Variants in CPA6 observed in about 807,000 individuals in gnomAD.
The protein encoded by CPA6 is carboxypeptidase A6.
In CPA6, 58 loss-of-function variants were observed where a neutral mutation model predicts 63.3. That is an observed-to-expected ratio of 0.92 (90% CI 0.74 to 1.14). The LOEUF (loss-of-function observed/expected upper bound fraction) is 1.14. CPA6 is among the 50% of genes most tolerant of loss of function. The pLI, the probability that CPA6 is intolerant of heterozygous loss-of-function variation, is 0.00. For synonymous variants in CPA6, 185 were observed against 179.0 expected, an observed-to-expected ratio of 1.03 and a Z score of -0.27; for missense variants, 565 against 526.6, an observed-to-expected ratio of 1.07 and a Z score of -0.71.
chr8:67,605,841 G>A (rs1814622375), intron 2 of CPA6, among the ~76,000 whole-genome samples: 1 of 152,074 alleles, frequency 6.6e-6, no homozygotes, highest in South Asian at 2.1e-4. Context: ...GCCTTGTTCA[G>A]TTTACAGATC....
intron 2 of CPA6, among the ~76,000 whole-genome samples, chr8:67,532,480 C>G (rs1320808611): frequency 6.6e-6 from 1 of 151,994 alleles, no homozygotes; most frequent in East Asian, 1.9e-4. Context: ...AGTTTGAGAC[C>G]AGCCTGAGAA....
intron 8 of CPA6, among the ~76,000 whole-genome samples, chr8:67,468,790 T>C (rs1295384393): frequency 6.6e-6 from 1 of 152,132 alleles, no homozygotes; most frequent in Admixed American, 6.5e-5. Context: ...CAGCATGTAC[T>C]GTATCTCTGG....
chr8:67,718,931 C>T (rs769570745), intron 1 of CPA6, among the ~76,000 whole-genome samples: 1 of 152,142 alleles, frequency 6.6e-6, no homozygotes, highest in African/African-American at 2.4e-5. Flanking sequence ...AGGCATGAGC[C>T]ACCGCACCTG....
intron 8 of CPA6, among the ~76,000 whole-genome samples, chr8:67,438,173 C>T (rs1810206236): frequency 6.6e-6 from 1 of 152,156 alleles, no homozygotes; most frequent in Non-Finnish European, 1.5e-5. Flanking sequence ...CCGCCTTGGC[C>T]TCCGAAAGTG....
intron 2 of CPA6, among the ~76,000 whole-genome samples, chr8:67,565,811 G>A (rs982867399): frequency 6.6e-6 from 1 of 152,124 alleles, no homozygotes; most frequent in African/African-American, 2.4e-5. Flanking sequence ...TCAGGAAGAT[G>A]AGATCTCTCT....
chr8:67,624,424 C>T (rs1815152803), intron 1 of CPA6, among the ~76,000 whole-genome samples, 173 bp from the exon 2 acceptor site: 2 of 152,148 alleles, frequency 1.3e-5, no homozygotes, highest in South Asian at 4.1e-4. Flanking sequence ...TTGTTCTTTT[C>T]TTCTTGTCTT....
chr8:67,680,484 G>A (rs1287256104), intron 1 of CPA6, among the ~76,000 whole-genome samples: 1 of 133,328 alleles, frequency 7.5e-6, no homozygotes, highest in Non-Finnish European at 1.6e-5. Context: ...GAGACCCTCT[G>A]TATTTAAAAA....
At chr8:67,741,863 G>C (rs1360248904) in intron 1 of CPA6, among the ~76,000 whole-genome samples, 1 of 151,566 alleles carries the variant, frequency 6.6e-6, no homozygotes, top group African/African-American at 2.4e-5. Flanking sequence ...TAATGCACTT[G>C]AATCATTCTG....
At chr8:67,509,663 A>G (rs763589855) in intron 4 of CPA6, 45 bp from the exon 5 acceptor site, 1 of 970,940 alleles carries the variant, frequency 1.0e-6, no homozygotes, top group Non-Finnish European at 1.6e-6. Flanking sequence ...TCTCAAAATA[A>G]TGGAGCTTTT....
chr8:67,687,234 G>A (rs6472329), intron 1 of CPA6, among the ~76,000 whole-genome samples: 71,555 of 152,094 alleles, frequency 0.47, 19,996 homozygotes, highest in African/African-American at 0.79. Flanking sequence ...AAAGTCCCAT[G>A]AGCAGGGAAG....
chr8:67,705,140 G>A (rs1019651686), intron 1 of CPA6, among the ~76,000 whole-genome samples: 8 of 152,176 alleles, frequency 5.3e-5, no homozygotes, highest in African/African-American at 7.2e-5. Flanking sequence ...CCATTGGAAG[G>A]CAATGTGCCT....
chr8:67,427,690 G>A (rs1809924565), intron 10 of CPA6, among the ~76,000 whole-genome samples: 1 of 152,156 alleles, frequency 6.6e-6, no homozygotes, highest in African/African-American at 2.4e-5. Context: ...CAGTTGTAGG[G>A]CTGAAACATT....
intron 1 of CPA6, among the ~76,000 whole-genome samples, chr8:67,656,408 T>C (rs889220945): frequency 3.3e-5 from 5 of 152,152 alleles, no homozygotes; most frequent in South Asian, 2.1e-4. Context: ...GCAGGAAACA[T>C]GGATGAGCAC....
intron 6 of CPA6, among the ~76,000 whole-genome samples, chr8:67,495,784 C>T (rs1811698771): frequency 6.6e-6 from 1 of 152,106 alleles, no homozygotes; most frequent in Non-Finnish European, 1.5e-5. Flanking sequence ...ACCTCCTGGG[C>T]TCAAGCGATC....
chr8:67,493,129 A>C (rs1388150282), intron 6 of CPA6, among the ~76,000 whole-genome samples: 3 of 152,200 alleles, frequency 2.0e-5, no homozygotes, highest in Non-Finnish European at 2.9e-5. Context: ...AGCTGAACTC[A>C]TTAGATACTT....
At chr8:67,489,675 T>C (rs1811563309) in intron 6 of CPA6, among the ~76,000 whole-genome samples, 1 of 152,170 alleles carries the variant, frequency 6.6e-6, no homozygotes, top group South Asian at 2.1e-4. Context: ...AATTATTGGG[T>C]AAAGATACTA....
intron 1 of CPA6, among the ~76,000 whole-genome samples, chr8:67,680,338 C>CA (rs34898956): frequency 3.3e-5 from 5 of 151,730 alleles, no homozygotes; most frequent in African/African-American, 7.3e-5. Context: ...CCCATTTCTA[C>CA]AAAAAAATGA....
chr8:67,522,349 C>T (rs776450947), intron 2 of CPA6, among the ~76,000 whole-genome samples: 2 of 152,164 alleles, frequency 1.3e-5, no homozygotes, highest in Non-Finnish European at 2.9e-5. Context: ...TAAAATTTTT[C>T]TCTGCCTTGC....
At position 67,466,806 on chromosome 8, in the gene CPA6, C is replaced by T. The variant is rs527756736; in HGVS notation, c.838+16962G>A. The stretch of plus-strand genomic sequence containing the variant: ...AAGAAGGAAAAACAACACTAGTCCT[C>T]GAATTCTGGCATTTTAGTATATGTT... On this transcript the variant is annotated intron_variant, in intron 8 of 10. Transcript: ENST00000297770. Among the ~76,000 whole-genome samples, 46 of 152,240 alleles carry T rather than the reference C, an allele frequency of 3.0e-4. 2 individuals are homozygous for T. Among genetic ancestry groups the T allele is most frequent in the Admixed American group, 1.2e-3 (19 of 15,292 alleles).
Sources: allele counts gnomAD v4.1 joint callset (sites outside exome capture counted in the v4.1 genomes callset), GRCh38; gene constraint gnomAD v4.1.1; transcripts MANE v1.5; gene names NCBI Gene and HGNC (gene_info 2026-07-23, HGNC 2026-07-21).